APBA2: variants seen among roughly 807,000 people sequenced by gnomAD.
The protein encoded by APBA2 is amyloid beta precursor protein binding family A member 2, also known as amyloid-beta A4 precursor protein-binding family A member 2.
Under a neutral mutation model 75.0 loss-of-function variants are expected in APBA2, and 30 were observed. The ratio of observed to expected loss-of-function variants is 0.40; its 90% CI spans 0.30 to 0.54. The LOEUF is 0.54. APBA2 is among the 20% of genes least tolerant of loss of function. The pLI is 0.49. For missense variants in APBA2, 801 were observed against 1,016.1 expected (o/e 0.79, Z 2.88); for synonymous variants, 444 against 409.6 (o/e 1.08, Z -1.01).
At chr15:29,063,743 T>C (rs1390330374) in intron 4 of APBA2, among the ~76,000 whole-genome samples, 1 of 127,788 alleles carries the variant, frequency 7.8e-6, no homozygotes, top group East Asian at 2.6e-4. Flanking sequence ...TTTCAGTCCA[T>C]GGGAAGCTCA....
chr15:29,106,449 C>T (rs1161910251), intron 11 of APBA2, among the ~76,000 whole-genome samples, 158 bp from the exon 12 acceptor site: 1 of 151,960 alleles, frequency 6.6e-6, no homozygotes, highest in Non-Finnish European at 1.5e-5. Flanking sequence ...GGGCAGGGCT[C>T]CCAGCCCAAG....
intron 3 of APBA2, among the ~76,000 whole-genome samples, chr15:29,053,206 G>A (rs2041690454): frequency 6.6e-6 from 1 of 152,182 alleles, no homozygotes; most frequent in African/African-American, 2.4e-5. Context: ...CCATGGCCGA[G>A]CAGTGCTGTC....
intron 10 of APBA2, among the ~76,000 whole-genome samples, chr15:29,102,974 G>A (rs911737759): frequency 2.6e-5 from 4 of 152,202 alleles, no homozygotes; most frequent in Non-Finnish European, 5.9e-5. Flanking sequence ...GAAGTGCTTC[G>A]GCGCAATGGC....
At chr15:29,065,034 C>T (rs896848999) in intron 4 of APBA2, among the ~76,000 whole-genome samples, 2 of 151,102 alleles carry the variant, frequency 1.3e-5, no homozygotes, top group Admixed American at 6.6e-5. Context: ...TGTGCACGCA[C>T]GCTTGTATGT....
chr15:28,934,670 A>C (rs935245069), intron 2 of APBA2, among the ~76,000 whole-genome samples: 14 of 152,000 alleles, frequency 9.2e-5, no homozygotes, highest in African/African-American at 3.4e-4. Flanking sequence ...TGTCATTCTC[A>C]GTATTTTATC....
chr15:28,902,581 A>G (rs1446195905), intron 1 of APBA2, among the ~76,000 whole-genome samples: 1 of 152,190 alleles, frequency 6.6e-6, no homozygotes, highest in Non-Finnish European at 1.5e-5. Flanking sequence ...TATGGACTGT[A>G]GTTAATAATG....
At chr15:29,045,856 C>T (rs1332594064) in intron 3 of APBA2, among the ~76,000 whole-genome samples, 4 of 152,204 alleles carry the variant, frequency 2.6e-5, no homozygotes, top group African/African-American at 9.6e-5. Context: ...CAGAAACAGT[C>T]ACCCTCTGAG....
chr15:29,044,257 C>T (rs576994721), intron 3 of APBA2: 1 of 152,314 alleles, frequency 6.6e-6, no homozygotes, highest in Non-Finnish European at 1.5e-5. Context: ...AATAAGGACA[C>T]TGGAGCTCTT....
intron 7 of APBA2, among the ~76,000 whole-genome samples, chr15:29,093,789 G>A (rs989417966): frequency 1.3e-5 from 2 of 152,128 alleles, no homozygotes; most frequent in East Asian, 1.9e-4. Flanking sequence ...GCAGAGGCCC[G>A]CCAGCCCAGG....
intron 3 of APBA2, among the ~76,000 whole-genome samples, chr15:29,030,220 A>C (rs112284741): frequency 0.14 from 20,879 of 152,094 alleles, 2,727 homozygotes; most frequent in African/African-American, 0.33. Context: ...AGCACTTTGG[A>C]AGGCAGAGGC....
At chr15:28,936,051 T>C (rs923291480) in intron 2 of APBA2, among the ~76,000 whole-genome samples, 4 of 152,230 alleles carry the variant, frequency 2.6e-5, no homozygotes, top group African/African-American at 7.2e-5. Context: ...TTTGGCCCTC[T>C]GGAAAATTTT....
intron 3 of APBA2, among the ~76,000 whole-genome samples, chr15:29,051,810 G>A (rs999027739): frequency 1.3e-5 from 2 of 152,038 alleles, no homozygotes; most frequent in African/African-American, 4.8e-5. Flanking sequence ...ATGAGAGCCC[G>A]GGCAGTGACT....
rs1002526950 is a variant in APBA2, at chr15:29,094,450, G to A, written c.1251+137G>A. On this transcript the variant is annotated intron_variant, in intron 8 of 14. Transcript: ENST00000683413. ...GCAGCTTTTCCTCTTCCCTTGGTAG[G>A]TGAATCTTAGATGTTTGTAAATGAA... is the stretch of plus-strand genomic sequence containing the variant. The A allele has an allele frequency of 8.6e-6, 7 of 817,606 alleles. No individual in the cohort carries two copies. In the African/African-American group the frequency reaches 1.2e-4, roughly 14 times the overall value. The allele number at this position is 817,606 out of a possible 1,614,324, so 50.6% of individuals were successfully genotyped here.
intron 10 of APBA2, chr15:29,102,784 CA>C (rs2044191591): frequency 1.3e-5 from 2 of 152,154 alleles, no homozygotes; most frequent in Non-Finnish European, 2.9e-5. Flanking sequence ...ATCTATCCTT[CA>C]GGGGCAGTTG....
Position 29,106,475 on chromosome 15 carries a change from G to A in APBA2, c.1705-132G>A, listed in dbSNP as rs545614957. ...CCAGCCCAAGACCTCTCCTGGCTGAGATGAGCCAGCCTTGGATCCCAGGGC... is the reference window on the plus strand; with the variant it reads ...CCAGCCCAAGACCTCTCCTGGCTGAAATGAGCCAGCCTTGGATCCCAGGGC... On this transcript the variant is annotated intron_variant, in intron 11 of 14. Transcript: ENST00000683413. 80 of 1,054,028 alleles carry A rather than the reference G, an allele frequency of 7.6e-5. No homozygotes were observed. The East Asian group carries it at 2.0e-3, about 27-fold the overall frequency. 65.3% of individuals were successfully genotyped at this position (1,054,028 alleles called of 1,614,324 possible). A position where few individuals can be genotyped will look rare whatever the true frequency, so the allele number is the denominator to read the frequency against.
In APBA2 at chr15:29,105,560, T is replaced by TAAG; in HGVS notation, c.1704+3_1704+5dup. The TAAG allele has an allele frequency of 6.2e-7, 1 of 1,612,886 alleles. No homozygotes were observed. The highest frequency in any genetic ancestry group is 1.1e-5 in the South Asian group (1 of 91,028). ...TCAAACTCGGAGAACTGCAAGGAGG[T>TAAG]AAGCCACACCCACCAGCCTCAGGGA... On this transcript the variant is annotated splice_region_variant and intron_variant, in intron 11 of 14. Transcript: ENST00000683413.
chr15:29,030,515 G>A (rs935246590), intron 3 of APBA2, among the ~76,000 whole-genome samples: 3 of 151,582 alleles, frequency 2.0e-5, no homozygotes, highest in African/African-American at 4.8e-5. Flanking sequence ...AAGGAGAAAC[G>A]CTTAAGGGAA....
At chr15:29,049,414 T>C (rs2041492448) in intron 3 of APBA2, among the ~76,000 whole-genome samples, 1 of 152,058 alleles carries the variant, frequency 6.6e-6, no homozygotes, top group African/African-American at 2.4e-5. Context: ...AGGGAAGAGG[T>C]TTGACCCCTC....
chr15:29,049,580 C>T (rs1344687152), intron 3 of APBA2, among the ~76,000 whole-genome samples: 1 of 152,116 alleles, frequency 6.6e-6, no homozygotes, highest in African/African-American at 2.4e-5. Flanking sequence ...CTCTGTCATA[C>T]CTAAAAAATA....
Sources: allele counts gnomAD v4.1 joint callset (sites outside exome capture counted in the v4.1 genomes callset), GRCh38; gene constraint gnomAD v4.1.1; transcripts MANE v1.5; gene names NCBI Gene and HGNC (gene_info 2026-07-23, HGNC 2026-07-21).